The following CHPT1 variants were observed in gnomAD, a reference collection of about 807,000 sequenced individuals.
CHPT1 encodes cholinephosphotransferase 1.
Under a neutral mutation model 47.6 loss-of-function variants are expected in CHPT1, and 36 were observed. The observed-to-expected ratio is 0.76, with a 90% CI of 0.58 to 1.00. The LOEUF is 1.00. Among genes scored for constraint, CHPT1 ranks in the 50% least tolerant of loss-of-function variants. The pLI is 0.00. For synonymous variants in CHPT1, 194 were observed against 186.3 expected (o/e 1.04, Z -0.33); for missense variants, 458 against 498.1 (o/e 0.92, Z 0.77).
At chr12:101,724,873 G>T (rs1015029666) in intron 7 of CHPT1, among the ~76,000 whole-genome samples, 1 of 152,140 alleles carries the variant, frequency 6.6e-6, no homozygotes, top group Non-Finnish European at 1.5e-5. Context: ...TTGGATAAAT[G>T]GAGCATTATT....
At chr12:101,707,253 G>T (rs1657187779) in intron 1 of CHPT1, among the ~76,000 whole-genome samples, 1 of 152,178 alleles carries the variant, frequency 6.6e-6, no homozygotes, top group Non-Finnish European at 1.5e-5. Flanking sequence ...AAAGCCATGA[G>T]ACAGTATTAA....
At chr12:101,720,996 T>C (rs1594140647) in intron 5 of CHPT1, among the ~76,000 whole-genome samples, 1 of 152,188 alleles carries the variant, frequency 6.6e-6, no homozygotes, top group Admixed American at 6.5e-5. Flanking sequence ...AATGCCTTTT[T>C]CAGGGCCGGG....
At chr12:101,700,650 A>T (rs1232374180) in intron 1 of CHPT1, among the ~76,000 whole-genome samples, 1 of 152,208 alleles carries the variant, frequency 6.6e-6, no homozygotes, top group Non-Finnish European at 1.5e-5. Context: ...AAATAAAAAG[A>T]TCCTATGTTT....
chr12:101,710,475 T>G (rs1168985739), intron 1 of CHPT1, among the ~76,000 whole-genome samples: 1 of 149,122 alleles, frequency 6.7e-6, no homozygotes, highest in Admixed American at 6.8e-5. Context: ...CCAGTAAACC[T>G]TTCACTTTCA....
At chr12:101,724,871 A>G (rs1480827723) in intron 7 of CHPT1, among the ~76,000 whole-genome samples, 1 of 152,224 alleles carries the variant, frequency 6.6e-6, no homozygotes, top group Admixed American at 6.5e-5. Flanking sequence ...AGTTGGATAA[A>G]TGGAGCATTA....
In CHPT1 at chr12:101,711,385, A is replaced by G. The variant is rs779727584; in HGVS notation, c.274-2705A>G. Among the ~76,000 whole-genome samples, 13 of 148,566 alleles carry G rather than the reference A, an allele frequency of 8.8e-5. 1 individual carries two copies. The highest frequency in any genetic ancestry group is 1.7e-4 in the Non-Finnish European group (11 of 66,432). ...AATCTTGCCATTTACCACAACATGG[A>G]TGAGCCTGGGAGACATTATGCTAAG... is the stretch of plus-strand genomic sequence containing the variant. On this transcript the variant is annotated intron_variant, in intron 1 of 8. Coordinates refer to ENST00000229266, the MANE Select transcript of CHPT1 (RefSeq NM_020244.3).
intron 5 of CHPT1, among the ~76,000 whole-genome samples, chr12:101,720,638 CTCA>C (rs1951834557): frequency 6.6e-6 from 1 of 152,210 alleles, no homozygotes; most frequent in African/African-American, 2.4e-5. Context: ...GGATTTATTA[CTCA>C]TCAAGTAAAT....
chr12:101,698,753 A>C (rs1951503958), intron 1 of CHPT1, among the ~76,000 whole-genome samples: 1 of 152,232 alleles, frequency 6.6e-6, no homozygotes, highest in South Asian at 2.1e-4. Context: ...GATTAAAAAA[A>C]CCCCAACATT....
intron 1 of CHPT1, among the ~76,000 whole-genome samples, chr12:101,707,193 G>A (rs1007698780): frequency 2.0e-5 from 3 of 152,150 alleles, no homozygotes; most frequent in Non-Finnish European, 4.4e-5. Flanking sequence ...TGAAGGAGGG[G>A]GCATATGAGT....
chr12:101,723,709 A>T lies in CHPT1; in HGVS notation c.940-13A>T. The T allele has an allele frequency of 6.9e-7, 1 of 1,454,432 alleles. No homozygotes were observed. The highest frequency in any genetic ancestry group is 9.2e-7 in the Non-Finnish European group (1 of 1,082,418). 90.1% of individuals were successfully genotyped at this position (1,454,432 alleles called of 1,614,324 possible). A position where few individuals can be genotyped will look rare whatever the true frequency, so the allele number is the denominator to read the frequency against. On this transcript the variant is annotated splice_polypyrimidine_tract_variant and intron_variant, in intron 6 of 8. Coordinates refer to ENST00000229266, the MANE Select transcript of CHPT1 (RefSeq NM_020244.3). ...ACTTAATAGTAAAATTATTTTGTTT[A>T]ATTTTTTTATAGGTAGCTCACATGA...
chr12:101,722,790 G>A (rs1951874775), intron 5 of CHPT1, among the ~76,000 whole-genome samples: 1 of 151,634 alleles, frequency 6.6e-6, no homozygotes, highest in African/African-American at 2.4e-5. Context: ...CTTCATCAGT[G>A]ATATTTTGTA....
intron 4 of CHPT1, chr12:101,719,549 A>G: frequency 3.9e-6 from 5 of 1,276,196 alleles, no homozygotes; most frequent in Non-Finnish European, 5.1e-6. Flanking sequence ...AATCCTGGAT[A>G]TTAACTACAC....
intron 1 of CHPT1, among the ~76,000 whole-genome samples, chr12:101,711,127 T>C (rs1486059106): frequency 6.8e-6 from 1 of 148,108 alleles, no homozygotes; most frequent in African/African-American, 2.4e-5. Flanking sequence ...TTACACTGTA[T>C]ACAAAAATAA....
chr12:101,721,438 TAA>T (rs958607506), intron 5 of CHPT1, among the ~76,000 whole-genome samples: 1 of 151,998 alleles, frequency 6.6e-6, no homozygotes, highest in Non-Finnish European at 1.5e-5. Context: ...GCATTTTTAG[TAA>T]AAAAAAGTCT....
intron 8 of CHPT1, chr12:101,727,242 CT>C (rs1951974279): frequency 6.6e-6 from 1 of 152,056 alleles, no homozygotes; most frequent in Non-Finnish European, 1.5e-5. Context: ...CAAAAGTTTA[CT>C]TTAAGTACAC....
chr12:101,713,547 G>A (rs1244996633), intron 1 of CHPT1, among the ~76,000 whole-genome samples: 1 of 152,190 alleles, frequency 6.6e-6, no homozygotes, highest in Non-Finnish European at 1.5e-5. Flanking sequence ...TGGAGCAGTC[G>A]CAGGGCTCAT....
In CHPT1 at chr12:101,726,446, G is replaced by GGA. The variant is rs1309071163; in HGVS notation, c.1176+45_1176+46dup. ...ACTGACTAATAGCCCAAGGAAAAGA[G>GGA]GAGATGAAGTTAGGGGAATCTATGA... On this transcript the variant is annotated intron_variant, in intron 8 of 8. Transcript: ENST00000229266. The GGA allele has an allele frequency of 7.5e-6, 12 of 1,605,372 alleles. No individual in the cohort carries two copies. The African/African-American group carries it at 1.5e-4, about 20-fold the overall frequency.
chr12:101,707,598 G>A (rs1274541134), intron 1 of CHPT1, among the ~76,000 whole-genome samples: 5 of 152,222 alleles, frequency 3.3e-5, no homozygotes, highest in Admixed American at 3.3e-4. Flanking sequence ...TACTGGGAAT[G>A]TAGGGGTGAG....
Position 101,723,346 on chromosome 12 carries a change from C to T in CHPT1, c.939+20C>T, listed in dbSNP as rs1237656455. The stretch of plus-strand genomic sequence containing the variant: ...TTAGTGGTAAGAAATTTTTATTATT[C>T]ATGATATAAATAATATACTTAGTCG... On this transcript the variant is annotated intron_variant, in intron 6 of 8. Coordinates refer to ENST00000229266, the MANE Select transcript of CHPT1 (RefSeq NM_020244.3). 2.2e-6 allele frequency: 3 copies of T among 1,395,348 alleles called. No homozygotes were observed. Among genetic ancestry groups the T allele is most frequent in the Non-Finnish European group, 3.0e-6 (3 of 1,002,936 alleles). The allele number at this position is 1,395,348 out of a possible 1,614,324, so 86.4% of individuals were successfully genotyped here.
Sources: allele counts gnomAD v4.1 joint callset (sites outside exome capture counted in the v4.1 genomes callset), GRCh38; gene constraint gnomAD v4.1.1; transcripts MANE v1.5; gene names NCBI Gene and HGNC (gene_info 2026-07-23, HGNC 2026-07-21).